FXYD2: variants seen among roughly 807,000 people sequenced by gnomAD.
FXYD2 encodes FXYD domain containing ion transport regulator 2.
A neutral mutation model predicts 11.8 loss-of-function variants in FXYD2; 8 were observed. The ratio of observed to expected loss-of-function variants is 0.68; its 90% CI spans 0.40 to 1.22. The LOEUF (loss-of-function observed/expected upper bound fraction) is 1.22. Among genes scored for constraint, FXYD2 ranks in the 50% most tolerant of loss-of-function variants. The pLI is 0.01. For synonymous variants in FXYD2, 42 were observed against 33.3 expected, an observed-to-expected ratio of 1.26 and a Z score of -0.90; for missense variants, 92 against 91.8, an observed-to-expected ratio of 1.00 and a Z score of -0.01.
At chr11:117,824,749 G>C, upstream of FXYD2, 2 of 1,595,342 alleles carry the variant, frequency 1.3e-6, no homozygotes, top group Non-Finnish European at 1.7e-6. The surrounding 1 kb of genome is among the most constrained non-coding windows in gnomAD (Gnocchi z 4.0). Context: ...GTGTCTGGCT[G>C]CCTCCACGGG....
chr11:117,826,032 G>T (rs2056028630), upstream of FXYD2, among the ~76,000 whole-genome samples: 1 of 152,216 alleles, frequency 6.6e-6, no homozygotes, highest in African/African-American at 2.4e-5. Context: ...AATGGGCGCA[G>T]TACCCAGCTC....
Position 117,822,831 on chromosome 11 carries a change from G to C in FXYD2, c.26-114C>G. 1 of 1,402,740 alleles carries C rather than the reference G, an allele frequency of 7.1e-7. No homozygotes were observed. The highest frequency in any genetic ancestry group is 1.2e-5 in the South Asian group (1 of 81,520). The allele number at this position is 1,402,740 out of a possible 1,614,324, so 86.9% of individuals were successfully genotyped here. ...AGAGGACCCTCGAGGGTCCAAGCAG[G>C]CGAGGGGAGGCTGGGAGCAGGGGTG... On this transcript the variant is annotated intron_variant, in intron 1 of 5. Transcript: ENST00000292079. This position sits in a 1 kb window ranked among gnomAD's most constrained non-coding sequence, Gnocchi z 4.7.
chr11:117,824,370 CA>C lies in FXYD2; in HGVS notation c.25+283del. On this transcript the variant is annotated intron_variant, in intron 1 of 5. Transcript: ENST00000292079. The surrounding 1 kb of genome is among the most constrained non-coding windows in gnomAD (Gnocchi z 4.0). ...ACGGTCTAGCAAGATGCATTGAACT[CA>C]GGGCGGGTGTGTGCCAGGAGGCCGA... The C allele has an allele frequency of 1.8e-6, 1 of 566,736 alleles. No homozygotes were observed. Among genetic ancestry groups the C allele is most frequent in the Non-Finnish European group, 3.2e-6 (1 of 315,846 alleles). 35.1% of individuals were successfully genotyped at this position (566,736 alleles called of 1,614,324 possible).
intron 1 of FXYD2, among the ~76,000 whole-genome samples, chr11:117,823,562 C>T (rs1002715449): frequency 3.3e-5 from 5 of 152,214 alleles, no homozygotes; most frequent in African/African-American, 7.2e-5. Context: ...CTCTGGTGGC[C>T]TCCCCCGGAT....
chr11:117,823,185 G>C (rs1456962144), intron 1 of FXYD2, among the ~76,000 whole-genome samples: 1 of 152,126 alleles, frequency 6.6e-6, no homozygotes, highest in Admixed American at 6.5e-5. Context: ...GTGTAGACTT[G>C]TTCAAAGTCC....
upstream of FXYD2, among the ~76,000 whole-genome samples, chr11:117,827,709 G>T (rs1232916898): frequency 2.0e-5 from 3 of 152,210 alleles, no homozygotes; most frequent in African/African-American, 7.2e-5. Flanking sequence ...CAAGCCAGCA[G>T]CCTGGCTTCT....
At chr11:117,827,911 C>T, upstream of FXYD2, 4 of 922,408 alleles carry the variant, frequency 4.3e-6, no homozygotes, top group South Asian at 1.4e-5. Context: ...TTCTGGGGAG[C>T]TTGTGGGTGC....
At chr11:117,821,002 T>C (rs1815173407) in intron 3 of FXYD2, 107 bp from the exon 4 acceptor site, 3 of 1,530,750 alleles carry the variant, frequency 2.0e-6, no homozygotes, top group Non-Finnish European at 2.7e-6. Context: ...GCCAGTATCA[T>C]CGCAGGGTCA....
At position 117,822,142 on chromosome 11, in the gene FXYD2, A is replaced by C; in HGVS notation, c.139+264T>G. On this transcript the variant is annotated intron_variant, in intron 3 of 5. Coordinates refer to ENST00000292079, the MANE Select transcript of FXYD2 (RefSeq NM_001680.5). This position sits in a 1 kb window ranked among gnomAD's most constrained non-coding sequence, Gnocchi z 4.7. ...AGTCCCCCTGTCTGGCCCTCCGGTTACCCAGTTACCCCGTGGGTTTGCTCT... is the reference window on the plus strand; with the variant it reads ...AGTCCCCCTGTCTGGCCCTCCGGTTCCCCAGTTACCCCGTGGGTTTGCTCT... 1 of 1,392,092 alleles carries C rather than the reference A, an allele frequency of 7.2e-7. No homozygotes were observed. The highest frequency in any genetic ancestry group is 2.7e-5 in the East Asian group (1 of 36,554). The allele number at this position is 1,392,092 out of a possible 1,614,324, so 86.2% of individuals were successfully genotyped here.
chr11:117,822,838 G>A lies in FXYD2; in HGVS notation c.26-121C>T. The A allele has an allele frequency of 7.4e-6, 10 of 1,354,742 alleles. No homozygotes were observed. The highest frequency in any genetic ancestry group is 1.0e-5 in the Non-Finnish European group (10 of 979,748). 83.9% of individuals were successfully genotyped at this position (1,354,742 alleles called of 1,614,324 possible). ...CCTCGAGGGTCCAAGCAGGCGAGGG[G>A]AGGCTGGGAGCAGGGGTGTTGCTAA... On this transcript the variant is annotated intron_variant, in intron 1 of 5. Transcript: ENST00000292079. The surrounding 1 kb of genome is among the most constrained non-coding windows in gnomAD (Gnocchi z 4.7).
chr11:117,822,223 C>G lies in FXYD2; in HGVS notation c.139+183G>C. 7 of 1,493,408 alleles carry G rather than the reference C, an allele frequency of 4.7e-6. No homozygotes were observed. Among genetic ancestry groups the G allele is most frequent in the Non-Finnish European group, 6.2e-6 (7 of 1,121,974 alleles). 92.5% of individuals were successfully genotyped at this position (1,493,408 alleles called of 1,614,324 possible). ...AGGGTGCACTTGAGCAAGCAGGAACCTCACACTGTGCTCCCAGCGAGCCTG... is the reference window on the plus strand; with the variant it reads ...AGGGTGCACTTGAGCAAGCAGGAACGTCACACTGTGCTCCCAGCGAGCCTG... On this transcript the variant is annotated intron_variant, in intron 3 of 5. Transcript: ENST00000292079. The surrounding 1 kb of genome is among the most constrained non-coding windows in gnomAD (Gnocchi z 4.7).
intron 5 of FXYD2, 96 bp downstream of exon 5, chr11:117,820,570 A>G: frequency 6.6e-7 from 1 of 1,524,368 alleles, no homozygotes; most frequent in Non-Finnish European, 9.1e-7. Flanking sequence ...CGACCCTAAA[A>G]TTCTTATTTA....
intron 3 of FXYD2, chr11:117,821,779 G>T: frequency 1.0e-6 from 1 of 989,444 alleles, no homozygotes; most frequent in Non-Finnish European, 1.2e-6. Context: ...GAGCCTTGGG[G>T]TGGGGTGGCA....
chr11:117,822,777 C>T lies in FXYD2; in HGVS notation c.26-60G>A. 2 of 1,585,600 alleles carry T rather than the reference C, an allele frequency of 1.3e-6. No individual in the cohort carries two copies. The highest frequency in any genetic ancestry group is 1.7e-6 in the Non-Finnish European group (2 of 1,168,270). ...ACCGATGGTGAGCCAGCCACAGGAA[C>T]AGCTGGAATTCCCTGTCCTTCCCTT... On this transcript the variant is annotated intron_variant, in intron 1 of 5. Coordinates refer to ENST00000292079, the MANE Select transcript of FXYD2 (RefSeq NM_001680.5). The surrounding 1 kb of genome is among the most constrained non-coding windows in gnomAD (Gnocchi z 4.7).
chr11:117,820,948 C>T lies in FXYD2; in HGVS notation c.140-53G>A, dbSNP rs1047662375. 1.2e-4 allele frequency: 201 copies of T among 1,613,684 alleles called. 1 individual carries two copies. The highest frequency in any genetic ancestry group is 3.3e-4 in the Middle Eastern group (2 of 6,082). On this transcript the variant is annotated intron_variant, in intron 3 of 5. Coordinates refer to ENST00000292079, the MANE Select transcript of FXYD2 (RefSeq NM_001680.5). Reference sequence around the variant, plus strand: ...CCATGGACTAATTTTCCAAGGAGACCCTGGAAGACTCAAAATTCTTCCAGT... The same window carrying T: ...CCATGGACTAATTTTCCAAGGAGACTCTGGAAGACTCAAAATTCTTCCAGT...
chr11:117,827,085 GAGATAGATAGATAGATAGATAGATAGAT>G (rs61369941), upstream of FXYD2, among the ~76,000 whole-genome samples: 6 of 138,496 alleles, frequency 4.3e-5, no homozygotes, highest in African/African-American at 1.7e-4. Context: ...GATAAATAGA[GAGATAGATAGATAGATAGATAGATAGAT>G]AGATAGATAG....
chr11:117,822,642 G>C lies in FXYD2; in HGVS notation c.64+37C>G. 1 of 1,603,954 alleles carries C rather than the reference G, an allele frequency of 6.2e-7. No homozygotes were observed. The highest frequency in any genetic ancestry group is 8.5e-7 in the Non-Finnish European group (1 of 1,176,488). On this transcript the variant is annotated intron_variant, in intron 2 of 5. Transcript: ENST00000292079. This position sits in a 1 kb window ranked among gnomAD's most constrained non-coding sequence, Gnocchi z 4.7. Reference sequence around the variant, plus strand: ...GCCGCTGCTTGGTGGAAGGGGTCCTGAGGGCTCAGGAAGGGTGCGCAGGGG... The same window carrying C: ...GCCGCTGCTTGGTGGAAGGGGTCCTCAGGGCTCAGGAAGGGTGCGCAGGGG...
In FXYD2 at chr11:117,824,633, C is replaced by G. The variant is rs750118630; in HGVS notation, c.25+21G>C. 2.5e-6 allele frequency: 4 copies of G among 1,606,370 alleles called. No homozygotes were observed. In the South Asian group the frequency reaches 4.4e-5, roughly 18 times the overall value. The stretch of plus-strand genomic sequence containing the variant: ...CCACCCAGCATTGCACACGCCCGGG[C>G]ACGCACACCAGCACACTCACCACCG... On this transcript the variant is annotated intron_variant, in intron 1 of 5. Coordinates refer to ENST00000292079, the MANE Select transcript of FXYD2 (RefSeq NM_001680.5). This position sits in a 1 kb window ranked among gnomAD's most constrained non-coding sequence, Gnocchi z 4.0.
intron 5 of FXYD2, 28 bp downstream of exon 5, chr11:117,820,638 G>T (rs753277223): frequency 2.5e-6 from 4 of 1,613,308 alleles, no homozygotes; most frequent in Non-Finnish European, 3.4e-6. Flanking sequence ...TGCCCTCCCC[G>T]CACCTTCCCC....
Sources: gnomAD v4.1 joint callset for allele counts (sites outside exome capture counted in the v4.1 genomes callset) on GRCh38, gnomAD v4.1.1 for gene constraint, Gnocchi (gnomAD v3.1) non-coding constraint, MANE v1.5 for transcripts, NCBI Gene and HGNC (gene_info 2026-07-23, HGNC 2026-07-21) for gene names.